Variants in KLHL29 observed in about 807,000 individuals in gnomAD.
The protein encoded by KLHL29 is kelch like family member 29.
In KLHL29, 21 loss-of-function variants were observed where a neutral mutation model predicts 80.4. The observed-to-expected ratio is 0.26, with a 90% CI of 0.19 to 0.38. The LOEUF (loss-of-function observed/expected upper bound fraction) is 0.38. Among genes scored for constraint, KLHL29 ranks in the 10% least tolerant of loss-of-function variants. The probability of loss-of-function intolerance (pLI) is 1.00; values close to 1 mark genes in which losing one functional copy is unlikely to be tolerated. For synonymous variants in KLHL29, 511 were observed against 526.8 expected (o/e 0.97, Z 0.41); for missense variants, 867 against 1,223.9 (o/e 0.71, Z 4.35).
In KLHL29 at chr2:23,532,636, C is replaced by T. The variant is rs180906386; in HGVS notation, c.-45-29516C>T. On this transcript the variant is annotated intron_variant, in intron 2 of 13. Coordinates refer to ENST00000486442, the MANE Select transcript of KLHL29 (RefSeq NM_052920.2). ...TGACAAGATTGTAAGATTATCTTAA[C>T]TTGGGACTGAGGCCTGGGCGGTGGG... is the stretch of plus-strand genomic sequence containing the variant. 1,510 of 456,706 alleles carry T rather than the reference C, an allele frequency of 3.3e-3. 6 individuals carry two copies. Among genetic ancestry groups the T allele is most frequent in the Non-Finnish European group, 5.2e-3 (1,183 of 226,968 alleles). 28.3% of individuals were successfully genotyped at this position (456,706 alleles called of 1,614,324 possible).
chr2:23,557,214 C>G (rs1203060419), intron 2 of KLHL29, among the ~76,000 whole-genome samples: 3 of 152,240 alleles, frequency 2.0e-5, no homozygotes, highest in Non-Finnish European at 4.4e-5. Flanking sequence ...CAACACCGCT[C>G]TGGGCACACA....
chr2:23,399,822 A>G (rs1374228286), intron 1 of KLHL29, among the ~76,000 whole-genome samples: 1 of 152,174 alleles, frequency 6.6e-6, no homozygotes. Context: ...AGAAACTCAC[A>G]GTGTGCACTC....
rs191201480 is a variant in KLHL29, at chr2:23,539,405, G to A, written c.-45-22747G>A. On this transcript the variant is annotated intron_variant, in intron 2 of 13. Transcript: ENST00000486442. ...ACAATAATAATCCTAGCAGACTGAT[G>A]ATGCTTTGCTAGCCTTATCCTGCCT... Among the ~76,000 whole-genome samples the A allele has an allele frequency of 9.4e-4, 139 of 147,722 alleles. 1 individual carries two copies. The highest frequency in any genetic ancestry group is 3.4e-3 in the African/African-American group (135 of 40,252).
intron 2 of KLHL29, among the ~76,000 whole-genome samples, chr2:23,506,021 G>T (rs1280109084): frequency 6.6e-6 from 1 of 152,206 alleles, no homozygotes; most frequent in Non-Finnish European, 1.5e-5. Context: ...CGACCACGAG[G>T]ACCATGCTGG....
intron 2 of KLHL29, among the ~76,000 whole-genome samples, chr2:23,559,557 C>T (rs1232764605): frequency 6.6e-6 from 1 of 152,066 alleles, no homozygotes; most frequent in Non-Finnish European, 1.5e-5. Flanking sequence ...GAATCTAAGA[C>T]CTGGCTGTCG....
intron 1 of KLHL29, among the ~76,000 whole-genome samples, chr2:23,422,840 C>G (rs1299945087): frequency 6.6e-6 from 1 of 152,202 alleles, no homozygotes; most frequent in East Asian, 1.9e-4. Flanking sequence ...AAGGGCTGTG[C>G]TCTGCACTCC....
chr2:23,568,333 C>T (rs1379326330), intron 3 of KLHL29, among the ~76,000 whole-genome samples: 1 of 152,176 alleles, frequency 6.6e-6, no homozygotes, highest in East Asian at 1.9e-4. Context: ...CATAACGGTT[C>T]TGTGGTTTGA....
intron 5 of KLHL29, among the ~76,000 whole-genome samples, chr2:23,648,182 C>A (rs1037267618): frequency 1.3e-5 from 2 of 152,150 alleles, no homozygotes; most frequent in African/African-American, 4.8e-5. Context: ...CACCCAAGCA[C>A]CTCCACTATA....
At chr2:23,690,185 ATGG>A (rs1671494200) in intron 6 of KLHL29, 1 of 152,236 alleles carries the variant, frequency 6.6e-6, no homozygotes, top group African/African-American at 2.4e-5. Flanking sequence ...TGTCGCTCTA[ATGG>A]TGGAATTTCA....
intron 2 of KLHL29, among the ~76,000 whole-genome samples, chr2:23,495,640 G>C (rs1363114956): frequency 1.3e-5 from 2 of 152,156 alleles, no homozygotes; most frequent in Non-Finnish European, 2.9e-5. Flanking sequence ...GGTCAAGCCT[G>C]CACCGTACCC....
At chr2:23,645,701 A>G (rs1669908660) in intron 5 of KLHL29, among the ~76,000 whole-genome samples, 1 of 152,248 alleles carries the variant, frequency 6.6e-6, no homozygotes. Flanking sequence ...AGACTTCATT[A>G]GTGCCCAGAT....
chr2:23,620,640 G>T (rs1669152624), intron 3 of KLHL29, among the ~76,000 whole-genome samples: 1 of 152,196 alleles, frequency 6.6e-6, no homozygotes, highest in East Asian at 1.9e-4. Context: ...CACAGAGTGT[G>T]AAGTGCAGGC....
intron 3 of KLHL29, among the ~76,000 whole-genome samples, chr2:23,594,035 C>T (rs1668333786): frequency 6.6e-6 from 1 of 152,236 alleles, no homozygotes; most frequent in Non-Finnish European, 1.5e-5. Flanking sequence ...ACCATCTCTT[C>T]CTCGTCCACT....
chr2:23,450,411 C>T lies in KLHL29; in HGVS notation c.-153-25149C>T, dbSNP rs542553031. Among the ~76,000 whole-genome samples, 14 of 152,200 alleles carry T rather than the reference C, an allele frequency of 9.2e-5. 1 individual carries two copies. In the South Asian group the frequency reaches 1.9e-3, roughly 20 times the overall value. ...TATTTAATAACCTTATAGGGCTCTCCGGTGGCTGTGCTGTGAGACAGATCA... is the reference window on the plus strand; with the variant it reads ...TATTTAATAACCTTATAGGGCTCTCTGGTGGCTGTGCTGTGAGACAGATCA... On this transcript the variant is annotated intron_variant, in intron 1 of 13. Coordinates refer to ENST00000486442, the MANE Select transcript of KLHL29 (RefSeq NM_052920.2).
chr2:23,483,900 G>C (rs1254364852), intron 2 of KLHL29, among the ~76,000 whole-genome samples: 1 of 152,102 alleles, frequency 6.6e-6, no homozygotes, highest in Admixed American at 6.5e-5. Flanking sequence ...AGCCTAAAAA[G>C]CTCTCAGCAA....
chr2:23,679,051 T>G (rs1161845197), intron 5 of KLHL29, among the ~76,000 whole-genome samples: 3 of 141,740 alleles, frequency 2.1e-5, no homozygotes, highest in Non-Finnish European at 4.6e-5. Flanking sequence ...TTACCACAAC[T>G]AAAAAAAAAA....
At position 23,620,468 on chromosome 2, in the gene KLHL29, C is replaced by G. The variant is rs1294241101; in HGVS notation, c.286-18671C>G. ...CTGCTAGAGGAAATATTTAGGAGGG[C>G]ATCGGCAAGGCTGCTGGGGCATGGC... On this transcript the variant is annotated intron_variant, in intron 3 of 13. Transcript: ENST00000486442. Among the ~76,000 whole-genome samples, 3 of 152,126 alleles carry G rather than the reference C, an allele frequency of 2.0e-5. No homozygotes were observed. In the East Asian group the frequency reaches 5.8e-4, roughly 29 times the overall value.
At chr2:23,573,644 C>T (rs1667771645) in intron 3 of KLHL29, among the ~76,000 whole-genome samples, 1 of 152,234 alleles carries the variant, frequency 6.6e-6, no homozygotes, top group Non-Finnish European at 1.5e-5. Flanking sequence ...CAACAAATGT[C>T]AGGATCAAAA....
In KLHL29 at chr2:23,627,566, G is replaced by A. The variant is rs374235262; in HGVS notation, c.286-11573G>A. 3.9e-5 allele frequency among the ~76,000 whole-genome samples: 6 copies of A among 152,344 alleles called. No individual in the cohort carries two copies. In the South Asian group the frequency reaches 8.3e-4, roughly 21 times the overall value. On this transcript the variant is annotated intron_variant, in intron 3 of 13. Coordinates refer to ENST00000486442, the MANE Select transcript of KLHL29 (RefSeq NM_052920.2). Reference sequence around the variant, plus strand: ...GTCTTGAAGTCCCCACAATAAAACTGTAGTAGCTCCTTCGGTGCACCTTGC... The same window carrying A: ...GTCTTGAAGTCCCCACAATAAAACTATAGTAGCTCCTTCGGTGCACCTTGC...
Sources: allele counts gnomAD v4.1 joint callset (sites outside exome capture counted in the v4.1 genomes callset), GRCh38; gene constraint gnomAD v4.1.1; transcripts MANE v1.5; gene names NCBI Gene and HGNC (gene_info 2026-07-23, HGNC 2026-07-21).